The following ZNF618 variants were observed in gnomAD, a reference collection of about 807,000 sequenced individuals.
The protein encoded by ZNF618 is neural precursor cell expressed, developmentally down-regulated 10.
Under a neutral mutation model 103.0 loss-of-function variants are expected in ZNF618, and 34 were observed. The observed-to-expected ratio is 0.33, with a 90% CI of 0.25 to 0.44. The LOEUF (loss-of-function observed/expected upper bound fraction) is 0.44, where lower values mean the gene tolerates loss of function less well. Among genes scored for constraint, ZNF618 ranks in the 20% least tolerant of loss-of-function variants. ZNF618 has a pLI of 1.00. For missense variants in ZNF618, 1,059 were observed against 1,295.4 expected, an observed-to-expected ratio of 0.82 and a Z score of 2.80; for synonymous variants, 551 against 542.2, an observed-to-expected ratio of 1.02 and a Z score of -0.23.
intron 1 of ZNF618, among the ~76,000 whole-genome samples, chr9:113,905,098 C>T (rs1025729819): frequency 8.5e-5 from 13 of 152,062 alleles, no homozygotes; most frequent in African/African-American, 3.1e-4. Flanking sequence ...CCAAGACTGC[C>T]TCGCTCTGTC....
chr9:113,903,269 G>A (rs553418833), intron 1 of ZNF618, among the ~76,000 whole-genome samples: 1 of 152,290 alleles, frequency 6.6e-6, no homozygotes, highest in East Asian at 1.9e-4. Context: ...GAATGGAAAA[G>A]ACCCCTTGAC....
chr9:113,906,057 G>A (rs921413131), intron 1 of ZNF618, among the ~76,000 whole-genome samples: 66 of 152,100 alleles, frequency 4.3e-4, no homozygotes, highest in African/African-American at 1.5e-3. Flanking sequence ...GGTGAATCTG[G>A]TCCTTCTTAC....
chr9:114,016,028 T>C, intron 9 of ZNF618: 3 of 1,322,316 alleles, frequency 2.3e-6, no homozygotes. Context: ...TGCTGCTCTT[T>C]GTTTGGGGGT....
rs1176689136 is a variant in ZNF618, at chr9:114,014,780, G to A, written c.755-1915G>A. ...CACAACACCTAGAATTTTTTTTTCAGTAGGTCTTAGGTGAGTCCTAAGAAT... is the reference window on the plus strand; with the variant it reads ...CACAACACCTAGAATTTTTTTTTCAATAGGTCTTAGGTGAGTCCTAAGAAT... On this transcript the variant is annotated intron_variant, in intron 9 of 14. Transcript: ENST00000374126. Among the ~76,000 whole-genome samples the A allele has an allele frequency of 2.0e-5, 3 of 150,592 alleles. No individual in the cohort carries two copies. The East Asian group carries it at 5.8e-4, about 29-fold the overall frequency.
intron 9 of ZNF618, among the ~76,000 whole-genome samples, chr9:114,008,792 G>A (rs1252321725): frequency 2.6e-5 from 4 of 152,302 alleles, no homozygotes; most frequent in South Asian, 2.1e-4. Flanking sequence ...GAGTCCTGGC[G>A]CTACTGCTTA....
intron 1 of ZNF618, among the ~76,000 whole-genome samples, chr9:113,881,523 T>A (rs1187776847): frequency 6.6e-6 from 1 of 152,166 alleles, no homozygotes; most frequent in Non-Finnish European, 1.5e-5. Flanking sequence ...CAAGTTACAG[T>A]CTTTTGCGGG....
chr9:113,938,062 A>T (rs114261462), intron 1 of ZNF618, among the ~76,000 whole-genome samples: 1,658 of 152,006 alleles, frequency 0.011, 44 homozygotes, highest in African/African-American at 0.038. Flanking sequence ...TTGAATTTAT[A>T]GATTAATTTT....
chr9:114,018,221 C>T (rs1842800491), intron 10 of ZNF618, among the ~76,000 whole-genome samples: 1 of 152,204 alleles, frequency 6.6e-6, no homozygotes, highest in African/African-American at 2.4e-5. Flanking sequence ...AGAGAGGATG[C>T]AGGATTCCAC....
chr9:114,043,834 C>T (rs998866665), intron 13 of ZNF618, among the ~76,000 whole-genome samples: 2 of 152,112 alleles, frequency 1.3e-5, no homozygotes, highest in African/African-American at 4.8e-5. Flanking sequence ...GTTTGTTGGT[C>T]ATTTGTATAT....
chr9:113,935,624 T>G (rs1033612345), intron 1 of ZNF618, among the ~76,000 whole-genome samples: 1 of 152,176 alleles, frequency 6.6e-6, no homozygotes, highest in African/African-American at 2.4e-5. Context: ...AACAGTCCTC[T>G]TGGGGACTCT....
chr9:113,951,475 G>GTGTATATATACATATATATGTGTATATA lies in ZNF618; in HGVS notation c.34-17638_34-17637insTATATACATATATATGTGTATATATGTA, dbSNP rs1564207329. Among the ~76,000 whole-genome samples the GTGTATATATACATATATATGTGTATATA allele has an allele frequency of 3.1e-3, 86 of 27,360 alleles. 5 individuals carry two copies. Among genetic ancestry groups the GTGTATATATACATATATATGTGTATATA allele is most frequent in the African/African-American group, 9.1e-3 (79 of 8,718 alleles). 17.9% of individuals were successfully genotyped at this position (27,360 alleles called of 152,430 possible). A position where few individuals can be genotyped will look rare whatever the true frequency, so the allele number is the denominator to read the frequency against. Reference sequence around the variant, plus strand: ...TGTATATATACATATATGTGTGTATGTGTACACATATATGTGTGTATGTGT... The same window carrying GTGTATATATACATATATATGTGTATATA: ...TGTATATATACATATATGTGTGTATGTGTATATATACATATATATGTGTATATATGTACACATATATGTGTGTATGTGT... On this transcript the variant is annotated intron_variant, in intron 1 of 14. Transcript: ENST00000374126.
At chr9:113,885,008 C>T (rs976311297) in intron 1 of ZNF618, among the ~76,000 whole-genome samples, 1 of 152,216 alleles carries the variant, frequency 6.6e-6, no homozygotes, top group Non-Finnish European at 1.5e-5. Flanking sequence ...CCTGACTCCT[C>T]CCTTCCCTGT....
intron 3 of ZNF618, among the ~76,000 whole-genome samples, chr9:113,993,778 T>A (rs1365541047): frequency 6.6e-6 from 1 of 152,194 alleles, no homozygotes; most frequent in Non-Finnish European, 1.5e-5. Flanking sequence ...AGTGGAGACC[T>A]GAAGAGGGGG....
At chr9:113,948,998 A>G (rs1835300717) in intron 1 of ZNF618, among the ~76,000 whole-genome samples, 1 of 152,254 alleles carries the variant, frequency 6.6e-6, no homozygotes, top group South Asian at 2.1e-4. Flanking sequence ...GACGGTGGGC[A>G]GTTGATCTCT....
rs547535603 is a variant in ZNF618, at chr9:113,917,544, G to A, written c.33+41131G>A. ...GCTGGGGTTATAGGCGTGAGCCACCGTGTCTGGCAAGCCTTCTCTTAAGTA... is the reference window on the plus strand; with the variant it reads ...GCTGGGGTTATAGGCGTGAGCCACCATGTCTGGCAAGCCTTCTCTTAAGTA... On this transcript the variant is annotated intron_variant, in intron 1 of 14. Coordinates refer to ENST00000374126, the MANE Select transcript of ZNF618 (RefSeq NM_001318042.2). 1.0e-3 allele frequency among the ~76,000 whole-genome samples: 154 copies of A among 151,778 alleles called. No individual in the cohort carries two copies. In the Middle Eastern group the frequency reaches 0.01, roughly 10 times the overall value.
At chr9:113,970,415 C>G (rs1267469513) in intron 2 of ZNF618, among the ~76,000 whole-genome samples, 1 of 152,026 alleles carries the variant, frequency 6.6e-6, no homozygotes, top group African/African-American at 2.4e-5. Context: ...TATACCAGGC[C>G]GGAGGTCTCT....
intron 1 of ZNF618, among the ~76,000 whole-genome samples, chr9:113,916,072 CTGTGTGTG>C (rs34639802): frequency 6.7e-6 from 1 of 149,800 alleles, no homozygotes; most frequent in South Asian, 2.1e-4. Flanking sequence ...GCGCGTGTGT[CTGTGTGTG>C]TGTGTGTGTG....
intron 13 of ZNF618, among the ~76,000 whole-genome samples, chr9:114,039,597 C>A (rs1588435885): frequency 6.6e-6 from 1 of 152,128 alleles, no homozygotes; most frequent in Non-Finnish European, 1.5e-5. Context: ...GTGATCCGCC[C>A]ACCTCAGCCC....
At chr9:113,894,212 A>G (rs1477268461) in intron 1 of ZNF618, among the ~76,000 whole-genome samples, 1 of 152,054 alleles carries the variant, frequency 6.6e-6, no homozygotes, top group Admixed American at 6.5e-5. Context: ...ATGATTCTTC[A>G]TCTTTCAAAA....
Sources: gnomAD v4.1 joint callset for allele counts (sites outside exome capture counted in the v4.1 genomes callset) on GRCh38, gnomAD v4.1.1 for gene constraint, MANE v1.5 for transcripts, NCBI Gene and HGNC (gene_info 2026-07-23, HGNC 2026-07-21) for gene names.